GFM2: variants seen among roughly 807,000 people sequenced by gnomAD.
The protein encoded by GFM2 is GTP dependent ribosome recycling factor mitochondrial 2.
GFM2 carries 72 observed loss-of-function variants against 95.4 expected under a neutral mutation model. The ratio of observed to expected loss-of-function variants is 0.76; its 90% confidence interval spans 0.62 to 0.92. GFM2 has a LOEUF of 0.92. Ranked by LOEUF, GFM2 falls within the 40% of genes least tolerant of loss-of-function variation. The pLI is 0.00. For missense variants in GFM2, 825 were observed against 924.1 expected (o/e 0.89, Z 1.39); for synonymous variants, 276 against 317.5 (o/e 0.87, Z 1.39).
chr5:74,721,370 C>G lies in GFM2; in HGVS notation c.*285G>C, dbSNP rs1749870350. 6 of 730,512 alleles carry G rather than the reference C, an allele frequency of 8.2e-6. No homozygotes were observed. In the East Asian group the frequency reaches 1.6e-4, roughly 20 times the overall value. 45.3% of individuals were successfully genotyped at this position (730,512 alleles called of 1,614,324 possible). A position where few individuals can be genotyped will look rare whatever the true frequency, so the allele number is the denominator to read the frequency against. On this transcript the variant is annotated 3_prime_UTR_variant, in exon 21 of 21. Transcript: ENST00000296805. ...GCTTAAGGACACAAAAGAAACACAA[C>G]TTTGTGATACCACTCTTCTGAAGGC...
rs993058200 is a variant in GFM2, at chr5:74,733,187, C to G, written c.1511-89G>C. The G allele has an allele frequency of 6.8e-5, 67 of 980,362 alleles. 1 individual carries two copies. The Middle Eastern group carries it at 4.2e-3, about 61-fold the overall frequency. 60.7% of individuals were successfully genotyped at this position (980,362 alleles called of 1,614,324 possible). Reference sequence around the variant, plus strand: ...TGGGTAAAACAGATGGATAAGCAAACAAATTTTGAAAAAGAAATTTCGACC... The same window carrying G: ...TGGGTAAAACAGATGGATAAGCAAAGAAATTTTGAAAAAGAAATTTCGACC... On this transcript the variant is annotated intron_variant, in intron 15 of 20. Transcript: ENST00000296805.
intron 15 of GFM2, 68 bp downstream of exon 15, chr5:74,736,728 G>T (rs1347462044): frequency 6.3e-7 from 1 of 1,598,930 alleles, no homozygotes; most frequent in Non-Finnish European, 8.5e-7. Flanking sequence ...TCTCTTGAGG[G>T]TATATTGCAA....
chr5:74,765,175 CTTT>C lies in GFM2; in HGVS notation c.-24-1412_-24-1410del, dbSNP rs145724114. ...TGACTGTAATAGACATTTTCCTCTTCTTTAACTCAGTGGTTGTCAATAAAAAGA... is the reference window on the plus strand; with the variant it reads ...TGACTGTAATAGACATTTTCCTCTTCAACTCAGTGGTTGTCAATAAAAAGA... On this transcript the variant is annotated intron_variant, in intron 1 of 20. Coordinates refer to ENST00000296805, the MANE Select transcript of GFM2 (RefSeq NM_032380.5). 5,542 of 1,056,492 alleles carry C rather than the reference CTTT, an allele frequency of 5.2e-3. 225 individuals are homozygous for C. The African/African-American group carries it at 0.084, about 16-fold the overall frequency. 65.4% of individuals were successfully genotyped at this position (1,056,492 alleles called of 1,614,324 possible).
intron 7 of GFM2, among the ~76,000 whole-genome samples, chr5:74,749,954 T>G (rs1461074016): frequency 6.6e-6 from 1 of 152,210 alleles, no homozygotes; most frequent in African/African-American, 2.4e-5. Flanking sequence ...TTAATTTTTG[T>G]GTATGATGAG....
chr5:74,764,357 T>A (rs1561267374), intron 1 of GFM2, among the ~76,000 whole-genome samples: 1 of 152,242 alleles, frequency 6.6e-6, no homozygotes, highest in Admixed American at 6.5e-5. Flanking sequence ...CAGCTGAGAC[T>A]GGGGATGCTG....
At chr5:74,750,317 G>A (rs1442883855) in intron 7 of GFM2, among the ~76,000 whole-genome samples, 1 of 152,094 alleles carries the variant, frequency 6.6e-6, no homozygotes, top group Non-Finnish European at 1.5e-5. Flanking sequence ...ACTATGGCAG[G>A]CTAACTTGTT....
chr5:74,761,171 G>T (rs924139479), intron 2 of GFM2, among the ~76,000 whole-genome samples, 185 bp from the exon 3 acceptor site: 1 of 152,146 alleles, frequency 6.6e-6, no homozygotes, highest in Non-Finnish European at 1.5e-5. Flanking sequence ...GAAAGAATAA[G>T]GATAAAATTA....
At chr5:74,727,950 A>G (rs1487082863) in intron 17 of GFM2, among the ~76,000 whole-genome samples, 1 of 152,060 alleles carries the variant, frequency 6.6e-6, no homozygotes, top group Non-Finnish European at 1.5e-5. Flanking sequence ...ATGAGAACCT[A>G]TTTCTCCTGT....
intron 2 of GFM2, among the ~76,000 whole-genome samples, chr5:74,763,443 C>T (rs1744385565): frequency 6.6e-6 from 1 of 152,168 alleles, no homozygotes; most frequent in Non-Finnish European, 1.5e-5. Context: ...CATTTTAGTA[C>T]TCCATGAGAC....
chr5:74,747,198 G>T (rs1432562695), intron 8 of GFM2, among the ~76,000 whole-genome samples: 4 of 152,024 alleles, frequency 2.6e-5, no homozygotes, highest in African/African-American at 9.7e-5. Flanking sequence ...ACTCTCTTCT[G>T]CCCCTACATG....
At chr5:74,748,379 T>G (rs1743497688) in intron 7 of GFM2, among the ~76,000 whole-genome samples, 1 of 152,166 alleles carries the variant, frequency 6.6e-6, no homozygotes, top group Non-Finnish European at 1.5e-5. Flanking sequence ...CATAGAACAT[T>G]CTGTTACTCC....
intron 10 of GFM2, among the ~76,000 whole-genome samples, chr5:74,744,389 A>T (rs527435507): frequency 1.3e-5 from 2 of 150,592 alleles, no homozygotes; most frequent in Non-Finnish European, 3.0e-5. Context: ...TACAAAAGAT[A>T]AGTGAAAAAA....
chr5:74,747,785 A>G lies in GFM2; in HGVS notation c.520-5T>C. The G allele has an allele frequency of 6.5e-7, 1 of 1,548,490 alleles. No homozygotes were observed. Among genetic ancestry groups the G allele is most frequent in the Non-Finnish European group, 8.9e-7 (1 of 1,124,122 alleles). On this transcript the variant is annotated splice_polypyrimidine_tract_variant and splice_region_variant and intron_variant, in intron 7 of 20. Transcript: ENST00000296805. ...CCATACTGTGAGAGTCTGGGCCTAA[A>G]GCAAAGATGAGGAAAAAAATACATA...
chr5:74,761,299 A>C (rs1744272631), intron 2 of GFM2, among the ~76,000 whole-genome samples: 1 of 152,218 alleles, frequency 6.6e-6, no homozygotes, highest in Admixed American at 6.5e-5. Flanking sequence ...AGACAAGAGA[A>C]TCAGAAACTC....
At chr5:74,758,016 CAAT>C (rs1357626957) in intron 5 of GFM2, among the ~76,000 whole-genome samples, 1 of 151,898 alleles carries the variant, frequency 6.6e-6, no homozygotes, top group Admixed American at 6.6e-5. Flanking sequence ...ATTGGTTGCA[CAAT>C]AATGTGAATA....
At chr5:74,756,644 C>T (rs943774508) in intron 5 of GFM2, among the ~76,000 whole-genome samples, 4 of 149,140 alleles carry the variant, frequency 2.7e-5, no homozygotes, top group Admixed American at 1.3e-4. Context: ...TACATTCCCA[C>T]TAACAGTGTA....
intron 15 of GFM2, among the ~76,000 whole-genome samples, chr5:74,735,675 G>T (rs963625248): frequency 6.6e-6 from 1 of 152,194 alleles, no homozygotes; most frequent in Non-Finnish European, 1.5e-5. Context: ...CAGAAGAAAA[G>T]AAATAGCGAT....
rs913150390 is a variant in GFM2, at chr5:74,766,980, GC to G, written c.-68del. On this transcript the variant is annotated 5_prime_UTR_variant, in exon 1 of 21. Transcript: ENST00000296805. ...GCCGCAGGCCAGCTCTCACCGCTGG[GC>G]TCTTGAAGCAGGAGGCGCGAGCCGC... 1.8e-5 allele frequency: 4 copies of G among 217,564 alleles called. No homozygotes were observed. The Admixed American group carries it at 2.1e-4, about 12-fold the overall frequency. The allele number at this position is 217,564 out of a possible 1,614,324, so 13.5% of individuals were successfully genotyped here.
chr5:74,741,513 G>A lies in GFM2; in HGVS notation c.930+16C>T. 1 of 1,257,940 alleles carries A rather than the reference G, an allele frequency of 7.9e-7. No homozygotes were observed. Among genetic ancestry groups the A allele is most frequent in the Non-Finnish European group, 1.1e-6 (1 of 870,862 alleles). 77.9% of individuals were successfully genotyped at this position (1,257,940 alleles called of 1,614,324 possible). ...TTAGTAAAATTTTGTGAAAGCCATTGAATAATAAAATTTACCTTTTCAGCT... is the reference window on the plus strand; with the variant it reads ...TTAGTAAAATTTTGTGAAAGCCATTAAATAATAAAATTTACCTTTTCAGCT... On this transcript the variant is annotated intron_variant, in intron 11 of 20. Coordinates refer to ENST00000296805, the MANE Select transcript of GFM2 (RefSeq NM_032380.5).
Sources: allele counts gnomAD v4.1 joint callset (sites outside exome capture counted in the v4.1 genomes callset), GRCh38; gene constraint gnomAD v4.1.1; transcripts MANE v1.5; gene names NCBI Gene and HGNC (gene_info 2026-07-23, HGNC 2026-07-21).